The following TEKT4 variants were observed in gnomAD, a reference collection of about 807,000 sequenced individuals.
TEKT4 encodes the protein tektin 4.
Under a neutral mutation model 46.0 loss-of-function variants are expected in TEKT4, and 46 were observed. The ratio of observed to expected loss-of-function variants is 1.00; its 90% confidence interval spans 0.79 to 1.28. TEKT4 has a LOEUF of 1.28. Ranked by LOEUF, TEKT4 falls within the 50% of genes most tolerant of loss-of-function variation. The pLI, the probability that TEKT4 is intolerant of heterozygous loss-of-function variation, is 0.00. For synonymous variants in TEKT4, 325 were observed against 265.8 expected (o/e 1.22, Z -2.17); for missense variants, 790 against 622.9 (o/e 1.27, Z -2.85).
At chr2:94,873,367 C>A in intron 1 of TEKT4, 153 bp from the exon 2 acceptor site, 1 of 1,484,252 alleles carries the variant, frequency 6.7e-7, no homozygotes, top group South Asian at 1.4e-5. Context: ...CAAGATAAAC[C>A]CAGTGAGAGA....
chr2:94,875,948 G>C (rs112195668), intron 5 of TEKT4, among the ~76,000 whole-genome samples: 1 of 152,182 alleles, frequency 6.6e-6, no homozygotes, highest in African/African-American at 2.4e-5. Context: ...GGGTCGGGGG[G>C]CTCCCAGTGC....
rs563371949 is a variant in TEKT4 at position 94,873,705 on chromosome 2, C to G, written c.569+115C>G. On this transcript the variant is annotated intron_variant, in intron 2 of 5. Transcript: ENST00000295201. ...AGAGCCAGCAGGGGCTGCCCCAGGT[C>G]ACAGTGGAGCGCAGGACTGGGTGGG... is the stretch of plus-strand genomic sequence containing the variant. 3.0e-5 allele frequency: 43 copies of G among 1,427,792 alleles called. 1 individual carries two copies. In the South Asian group the frequency reaches 5.6e-4, roughly 18 times the overall value. The allele number at this position is 1,427,792 out of a possible 1,614,324, so 88.4% of individuals were successfully genotyped here. A position where few individuals can be genotyped will look rare whatever the true frequency, so the allele number is the denominator to read the frequency against.
rs1421493278 is a variant in TEKT4 at position 94,873,378 on chromosome 2, G to A, written c.499-142G>A. 4.7e-6 allele frequency: 7 copies of A among 1,503,538 alleles called. No homozygotes were observed. In the Admixed American group the frequency reaches 1.3e-4, roughly 29 times the overall value. 93.1% of individuals were successfully genotyped at this position (1,503,538 alleles called of 1,614,324 possible). ...AGCCCAAGATAAACCCAGTGAGAGA[G>A]CAGAACTTACACAGTCAGAGCTCAG... is the stretch of plus-strand genomic sequence containing the variant. On this transcript the variant is annotated intron_variant, in intron 1 of 5. Coordinates refer to ENST00000295201, the MANE Select transcript of TEKT4 (RefSeq NM_144705.4).
chr2:94,875,823 A>AC (rs1553396377), intron 5 of TEKT4, 81 bp downstream of exon 5: 2 of 1,388,656 alleles, frequency 1.4e-6, no homozygotes, highest in African/African-American at 2.9e-5. Flanking sequence ...ACACTCCAAC[A>AC]CCCCGCACAC....
rs782636505 is a variant in TEKT4, at chr2:94,876,775, G to A, written c.*6G>A. On this transcript the variant is annotated 3_prime_UTR_variant, in exon 6 of 6. Transcript: ENST00000295201. ...AGCTGGCTGGCTACCAGTGAGCAGC[G>A]GCACGGTGCTTCCCCCCAGTCCCCC... The A allele has an allele frequency of 4.4e-6, 7 of 1,602,916 alleles. No individual in the cohort carries two copies. The highest frequency in any genetic ancestry group is 2.2e-5 in the East Asian group (1 of 44,842).
Position 94,871,514 on chromosome 2 carries a change from G to A in TEKT4, c.-66G>A. On this transcript the variant is annotated 5_prime_UTR_variant, in exon 1 of 6. Transcript: ENST00000295201. ...TGGAGCTGCCCCGCTGACCGCACTA[G>A]GCTGACCGCAACCGGCTGACCACAC... 1 of 1,489,004 alleles carries A rather than the reference G, an allele frequency of 6.7e-7. No homozygotes were observed. The highest frequency in any genetic ancestry group is 1.4e-5 in the South Asian group (1 of 72,980). 92.2% of individuals were successfully genotyped at this position (1,489,004 alleles called of 1,614,324 possible).
intron 2 of TEKT4, 138 bp from the exon 3 acceptor site, chr2:94,873,827 G>C: frequency 7.6e-7 from 1 of 1,312,322 alleles, no homozygotes; most frequent in East Asian, 2.5e-5. Flanking sequence ...GGTCACTGCT[G>C]AGCACGAGGG....
chr2:94,873,985 A>C lies in TEKT4; in HGVS notation c.590A>C (p.Glu197Ala). 6.2e-7 allele frequency: 1 copy of C among 1,609,476 alleles called. No homozygotes were observed. The highest frequency in any genetic ancestry group is 2.2e-5 in the East Asian group (1 of 44,578). ...SQIRLNREHKETCEMDWSDKM... is the reference protein window; with the variant it reads ...SQIRLNREHKATCEMDWSDKM... ...CCCAGACTGAACCGGGAGCACAAGG[A>C]GACCTGCGAGATGGACTGGTCAGAC... Residue 197 changes from glutamate to alanine, a missense_variant, in exon 3 of 6, where the codon GAG becomes GCG. Physicochemically the swap from Glu to Ala is moderately radical, Grantham distance 107. Coordinates refer to ENST00000295201, the MANE Select transcript of TEKT4 (RefSeq NM_144705.4).
In TEKT4 at chr2:94,876,585, C is replaced by T. The variant is rs1553396661; in HGVS notation, c.1124C>T (p.Ser375Phe). The stretch of plus-strand genomic sequence containing the variant: ...AGTGAGGTGGAGGAGCTGAACATGT[C>T]CCTCACAGCACTGCGAGAGAAGCTT... ...LLSEVEELNMSLTALREKLLE... is the reference protein window; with the variant it reads ...LLSEVEELNMFLTALREKLLE... Residue 375 changes from serine to phenylalanine, a missense_variant, in exon 6 of 6, where the codon TCC (serine) becomes TTC (phenylalanine). Ser to Phe is a radical substitution (Grantham distance 155). Coordinates refer to ENST00000295201, the MANE Select transcript of TEKT4 (RefSeq NM_144705.4). 6.2e-7 allele frequency: 1 copy of T among 1,611,092 alleles called. No individual in the cohort carries two copies. Among genetic ancestry groups the T allele is most frequent in the Admixed American group, 1.7e-5 (1 of 59,842 alleles).
Position 94,873,008 on chromosome 2 carries a change from C to T in TEKT4, c.499-512C>T, listed in dbSNP as rs868952398. 21 of 1,289,434 alleles carry T rather than the reference C, an allele frequency of 1.6e-5. No individual in the cohort carries two copies. The Middle Eastern group carries it at 1.7e-3, about 105-fold the overall frequency. The allele number at this position is 1,289,434 out of a possible 1,614,324, so 79.9% of individuals were successfully genotyped here. A position where few individuals can be genotyped will look rare whatever the true frequency, so the allele number is the denominator to read the frequency against. On this transcript the variant is annotated intron_variant, in intron 1 of 5. Coordinates refer to ENST00000295201, the MANE Select transcript of TEKT4 (RefSeq NM_144705.4). ...TACCCAGTGGTTGAGGCAAAGACCC[C>T]AATCACAGAGAAAAGGCTTGTTCCT...
rs1680612214 is a variant in TEKT4 at position 94,872,264 on chromosome 2, CCT to C, written c.498+188_498+189del. 8 of 699,652 alleles carry C rather than the reference CCT, an allele frequency of 1.1e-5. No individual in the cohort carries two copies. The East Asian group carries it at 1.9e-4, about 17-fold the overall frequency. The allele number at this position is 699,652 out of a possible 1,614,324, so 43.3% of individuals were successfully genotyped here. A position where few individuals can be genotyped will look rare whatever the true frequency, so the allele number is the denominator to read the frequency against. ...GGAGGCAGCTTTGCCCCAGAAGACCCCTGACTTCCAAGCAGCTGTTTCTCCTC... is the reference window on the plus strand; with the variant it reads ...GGAGGCAGCTTTGCCCCAGAAGACCCGACTTCCAAGCAGCTGTTTCTCCTC... On this transcript the variant is annotated intron_variant, in intron 1 of 5. Transcript: ENST00000295201.
At chr2:94,874,740 TC>T in intron 3 of TEKT4, 35 bp from the exon 4 acceptor site, 1 of 1,508,864 alleles carries the variant, frequency 6.6e-7, no homozygotes. Context: ...CGGCAGAGCC[TC>T]CCCGACCCTC....
Position 94,871,463 on chromosome 2 carries a change from C to T in TEKT4, c.-117C>T, listed in dbSNP as rs1209224293. ...CAGTGTCACCCAAGCGACTGGGAGC[C>T]GCGTCCTGCTCTGGGACTGAGCCGT... is the stretch of plus-strand genomic sequence containing the variant. On this transcript the variant is annotated 5_prime_UTR_variant, in exon 1 of 6. Transcript: ENST00000295201. 2.7e-5 allele frequency: 35 copies of T among 1,316,442 alleles called. No individual in the cohort carries two copies. In the South Asian group the frequency reaches 4.3e-4, roughly 16 times the overall value. 81.5% of individuals were successfully genotyped at this position (1,316,442 alleles called of 1,614,324 possible). A position where few individuals can be genotyped will look rare whatever the true frequency, so the allele number is the denominator to read the frequency against.
intron 1 of TEKT4, chr2:94,872,988 A>G: frequency 7.8e-7 from 1 of 1,289,480 alleles, no homozygotes; most frequent in Non-Finnish European, 1.0e-6. Context: ...GGAAGTACCC[A>G]GTGGTTGAGG....
intron 5 of TEKT4, 27 bp downstream of exon 5, chr2:94,875,769 C>T (rs782386914): frequency 1.2e-6 from 2 of 1,607,296 alleles, no homozygotes; most frequent in East Asian, 4.5e-5. Context: ...TGAGGCAGTC[C>T]CAGGTGGCCC....
In TEKT4 at chr2:94,871,878, G is replaced by A. The variant is rs1553394636; in HGVS notation, c.299G>A (p.Ser100Asn). The change falls in exon 1 of 6, where the codon AGC (serine) becomes AAC (asparagine). Residue 100 changes from serine to asparagine, a missense_variant. Ser to Asn is a conservative substitution (Grantham distance 46). Coordinates refer to ENST00000295201, the MANE Select transcript of TEKT4 (RefSeq NM_144705.4). The part of the protein sequence containing the change: ...TVGERLQDTH[S>N]WKSELQREME... ...GGCGAGCGACTGCAGGACACGCACAGCTGGAAGTCGGAGCTGCAGCGTGAG... is the reference window on the plus strand; with the variant it reads ...GGCGAGCGACTGCAGGACACGCACAACTGGAAGTCGGAGCTGCAGCGTGAG... 2.5e-6 allele frequency: 4 copies of A among 1,597,884 alleles called. No individual in the cohort carries two copies. The highest frequency in any genetic ancestry group is 1.3e-5 in the African/African-American group (1 of 74,950).
chr2:94,874,143 C>G, intron 3 of TEKT4, 35 bp downstream of exon 3: 1 of 1,601,952 alleles, frequency 6.2e-7, no homozygotes, highest in Non-Finnish European at 8.5e-7. Context: ...CTTGCCCTGG[C>G]TGTGGTCTCG....
At chr2:94,876,424 G>T in intron 5 of TEKT4, 129 bp from the exon 6 acceptor site, 1 of 727,610 alleles carries the variant, frequency 1.4e-6, no homozygotes, top group Non-Finnish European at 2.3e-6. Flanking sequence ...TTTCCTGATG[G>T]GGTTCTTTCA....
chr2:94,875,145 G>A (rs1680783461), intron 4 of TEKT4, 147 bp downstream of exon 4: 2 of 891,744 alleles, frequency 2.2e-6, no homozygotes, highest in Non-Finnish European at 3.3e-6. Context: ...GGTGACACTG[G>A]GTATGATCGA....
Sources: allele counts gnomAD v4.1 joint callset (sites outside exome capture counted in the v4.1 genomes callset), GRCh38; gene constraint gnomAD v4.1.1; transcripts MANE v1.5; gene names NCBI Gene and HGNC (gene_info 2026-07-23, HGNC 2026-07-21).